Variants in ITGA1 observed in about 807,000 individuals in gnomAD.
The protein encoded by ITGA1 is integrin alpha-1.
In ITGA1, 85 loss-of-function variants were observed where a neutral mutation model predicts 145.9. The observed-to-expected ratio is 0.58, with a 90% CI of 0.49 to 0.70. The LOEUF is 0.70. Among genes scored for constraint, ITGA1 ranks in the 30% least tolerant of loss-of-function variants. The pLI, the probability that ITGA1 is intolerant of heterozygous loss-of-function variation, is 0.00. For synonymous variants in ITGA1, 520 were observed against 495.3 expected (o/e 1.05, Z -0.66); for missense variants, 1,351 against 1,418.7 (o/e 0.95, Z 0.77).
At chr5:52,914,608 A>G (rs570128744) in intron 14 of ITGA1, among the ~76,000 whole-genome samples, 298 of 150,170 alleles carry the variant, frequency 2.0e-3, no homozygotes, top group African/African-American at 5.7e-3. Context: ...AAAAAAAAAA[A>G]GGGGGGGAAA....
intron 18 of ITGA1, among the ~76,000 whole-genome samples, chr5:52,923,890 T>C (rs1750766473): frequency 6.6e-6 from 1 of 152,210 alleles, no homozygotes; most frequent in Non-Finnish European, 1.5e-5. Flanking sequence ...TCCTTCTTCA[T>C]GGAGCCCACC....
chr5:52,911,256 GTATA>G (rs1188545718), intron 14 of ITGA1, among the ~76,000 whole-genome samples: 1 of 134,348 alleles, frequency 7.4e-6, no homozygotes, highest in African/African-American at 2.7e-5. Flanking sequence ...TATATACAGT[GTATA>G]TATAGTATAT....
intron 12 of ITGA1, 91 bp from the exon 13 acceptor site, chr5:52,908,807 T>C: frequency 2.1e-6 from 3 of 1,415,986 alleles, no homozygotes; most frequent in Admixed American, 2.0e-5. Context: ...GCTCCTCTTC[T>C]AGATTGCTAG....
intron 27 of ITGA1, among the ~76,000 whole-genome samples, chr5:52,945,383 T>C (rs1163073026): frequency 6.6e-6 from 1 of 152,202 alleles, no homozygotes; most frequent in Non-Finnish European, 1.5e-5. Flanking sequence ...GCAGCTGATA[T>C]CTGAAGAGCA....
At chr5:52,935,779 T>C (rs1401464485) in intron 23 of ITGA1, among the ~76,000 whole-genome samples, 4 of 152,210 alleles carry the variant, frequency 2.6e-5, no homozygotes, top group Admixed American at 6.5e-5. Flanking sequence ...CAAAACTGTA[T>C]TTTATTGTGT....
At chr5:52,946,419 T>C (rs1384979020) in intron 27 of ITGA1, among the ~76,000 whole-genome samples, 3 of 152,214 alleles carry the variant, frequency 2.0e-5, no homozygotes, top group Non-Finnish European at 4.4e-5. Context: ...TGATGCTGTA[T>C]ATGTCTACAT....
intron 26 of ITGA1, among the ~76,000 whole-genome samples, chr5:52,942,026 C>T (rs981327407): frequency 2.0e-5 from 3 of 152,092 alleles, no homozygotes; most frequent in Non-Finnish European, 4.4e-5. Context: ...CATTTTTTGA[C>T]TAGGGATTCC....
intron 1 of ITGA1, chr5:52,799,940 T>C (rs1409893113): frequency 5.7e-6 from 1 of 174,178 alleles, no homozygotes; most frequent in Non-Finnish European, 1.2e-5. Context: ...AATAAAGGAC[T>C]CGCCACCACT....
intron 6 of ITGA1, among the ~76,000 whole-genome samples, chr5:52,875,369 A>G (rs1749851377): frequency 6.6e-6 from 1 of 152,178 alleles, no homozygotes; most frequent in African/African-American, 2.4e-5. Flanking sequence ...GAATGTTCTA[A>G]TAAGTGTTAC....
Position 52,900,169 on chromosome 5 carries a change from G to T in ITGA1, c.1309+1786G>T, listed in dbSNP as rs151311748. On this transcript the variant is annotated intron_variant, in intron 11 of 28. Coordinates refer to ENST00000282588, the MANE Select transcript of ITGA1 (RefSeq NM_181501.2). ...ACCTAAAAAAGAGGGCTGGGGATTA[G>T]ATTAGATATCTTCTAAAAGTTCATT... Among the ~76,000 whole-genome samples the T allele has an allele frequency of 1.6e-3, 243 of 152,290 alleles. 1 individual carries two copies. In the South Asian group the frequency reaches 0.034, roughly 21 times the overall value.
At chr5:52,834,290 T>C (rs556570520) in intron 1 of ITGA1, among the ~76,000 whole-genome samples, 1 of 152,286 alleles carries the variant, frequency 6.6e-6, no homozygotes, top group Admixed American at 6.5e-5. Flanking sequence ...AAATGTATTC[T>C]CCCTCTGCTC....
intron 16 of ITGA1, 135 bp downstream of exon 16, chr5:52,919,033 G>A (rs1750692574): frequency 1.4e-6 from 1 of 727,382 alleles, no homozygotes; most frequent in Admixed American, 3.5e-5. Context: ...TGAAGATGCA[G>A]AACCTTGAAA....
intron 1 of ITGA1, among the ~76,000 whole-genome samples, chr5:52,843,417 G>A (rs546309204): frequency 6.6e-6 from 1 of 152,058 alleles, no homozygotes; most frequent in Non-Finnish European, 1.5e-5. Context: ...ATTCAGAATT[G>A]CATTTGTTGT....
intron 6 of ITGA1, among the ~76,000 whole-genome samples, chr5:52,870,889 G>A (rs1386648417): frequency 6.6e-6 from 1 of 152,174 alleles, no homozygotes; most frequent in Non-Finnish European, 1.5e-5. Context: ...TCTCAATGAA[G>A]GGAGTTCTCC....
At chr5:52,931,043 T>G (rs1209399797) in intron 21 of ITGA1, 1 of 152,138 alleles carries the variant, frequency 6.6e-6, no homozygotes, top group Non-Finnish European at 1.5e-5. Flanking sequence ...GCATGCTGCT[T>G]TCTCTGTCCT....
rs113973140 is a variant in ITGA1, at chr5:52,875,796, T to C, written c.625-6077T>C. 6.8e-3 allele frequency among the ~76,000 whole-genome samples: 1,034 copies of C among 152,314 alleles called. 8 individuals carry two copies. Among genetic ancestry groups the C allele is most frequent in the African/African-American group, 0.024 (1,004 of 41,568 alleles). On this transcript the variant is annotated intron_variant, in intron 6 of 28. Coordinates refer to ENST00000282588, the MANE Select transcript of ITGA1 (RefSeq NM_181501.2). ...GGATATTTCCACCTCCATGATTTGT[T>C]GTCATCAGCTCTCTATCCAACTTCC...
intron 20 of ITGA1, among the ~76,000 whole-genome samples, chr5:52,928,455 C>A (rs80173008): frequency 6.6e-6 from 1 of 152,266 alleles, no homozygotes; most frequent in South Asian, 2.1e-4. Flanking sequence ...GGAGTTCACT[C>A]GTTGAAAGTG....
intron 26 of ITGA1, among the ~76,000 whole-genome samples, chr5:52,942,085 T>C (rs773406978): frequency 5.3e-5 from 8 of 152,136 alleles, no homozygotes; most frequent in Non-Finnish European, 1.0e-4. Flanking sequence ...CAGACGGCTG[T>C]AGGTATGTGG....
chr5:52,910,935 T>C lies in ITGA1; in HGVS notation c.1857+516T>C, dbSNP rs143752577. Among the ~76,000 whole-genome samples, 196 of 137,952 alleles carry C rather than the reference T, an allele frequency of 1.4e-3. 1 individual carries two copies. Among genetic ancestry groups the C allele is most frequent in the African/African-American group, 5.0e-3 (189 of 37,894 alleles). 90.5% of individuals were successfully genotyped at this position (137,952 alleles called of 152,430 possible). On this transcript the variant is annotated intron_variant, in intron 14 of 28. Coordinates refer to ENST00000282588, the MANE Select transcript of ITGA1 (RefSeq NM_181501.2). ...TGTATACTATATATAGTATATATGG[T>C]ATGTATACTGTATATAGTATATACA...
Sources: allele counts gnomAD v4.1 joint callset (sites outside exome capture counted in the v4.1 genomes callset), GRCh38; gene constraint gnomAD v4.1.1; transcripts MANE v1.5; gene names NCBI Gene and HGNC (gene_info 2026-07-23, HGNC 2026-07-21).